The following TENM2 variants were observed in gnomAD, a reference collection of about 807,000 sequenced individuals.
TENM2 encodes the protein teneurin-2.
TENM2 carries 52 observed loss-of-function variants against 245.2 expected under a neutral mutation model. The observed-to-expected ratio is 0.21, with a 90% CI of 0.17 to 0.27. TENM2 has a LOEUF of 0.27. Ranked by LOEUF, TENM2 falls within the 10% of genes least tolerant of loss-of-function variation. The pLI, the probability that TENM2 is intolerant of heterozygous loss-of-function variation, is 1.00. For synonymous variants in TENM2, 1,363 were observed against 1,438.9 expected (o/e 0.95, Z 1.19); for missense variants, 3,046 against 3,666.8 (o/e 0.83, Z 4.37).
chr5:167,664,358 T>A (rs1423512403), intron 2 of TENM2, among the ~76,000 whole-genome samples: 1 of 152,218 alleles, frequency 6.6e-6, no homozygotes, highest in Non-Finnish European at 1.5e-5. Flanking sequence ...CTTAGTTGAC[T>A]GTCAAAACTT....
chr5:167,012,883 A>G, the TENM2 span, among the ~76,000 whole-genome samples: 1 of 152,060 alleles, frequency 6.6e-6, no homozygotes, highest in African/African-American at 2.4e-5. Flanking sequence ...ATTTGAATAA[A>G]GAAAATTTTA....
chr5:167,025,128 C>T, the TENM2 span, among the ~76,000 whole-genome samples: 63 of 152,124 alleles, frequency 4.1e-4, 2 homozygotes, highest in Admixed American at 1.6e-3. Flanking sequence ...ACAAGCCACA[C>T]GTATTTTAAT....
chr5:167,050,230 T>A, the TENM2 span, among the ~76,000 whole-genome samples: 22 of 152,214 alleles, frequency 1.4e-4, no homozygotes, highest in South Asian at 3.1e-3. Context: ...AAGCTAGAAT[T>A]ACCACCTGAG....
At chr5:167,328,326 C>T (rs1367818358) in intron 1 of TENM2, among the ~76,000 whole-genome samples, 1 of 151,388 alleles carries the variant, frequency 6.6e-6, no homozygotes, top group African/African-American at 2.4e-5. Flanking sequence ...CCTGACTCAG[C>T]CTCCTGAGTA....
At chr5:167,861,912 G>T (rs554253718) in intron 2 of TENM2, among the ~76,000 whole-genome samples, 33 of 152,314 alleles carry the variant, frequency 2.2e-4, no homozygotes, top group Non-Finnish European at 4.4e-4. Context: ...GCAAGGGAGA[G>T]TGCTGAATAT....
intron 8 of TENM2, among the ~76,000 whole-genome samples, chr5:168,094,495 G>A (rs761241105): frequency 1.3e-5 from 2 of 152,124 alleles, no homozygotes; most frequent in Non-Finnish European, 2.9e-5. Flanking sequence ...GGAGAATGAT[G>A]TTCCTCTGTT....
At chr5:168,039,167 A>G (rs549243834) in intron 5 of TENM2, among the ~76,000 whole-genome samples, 41 of 152,298 alleles carry the variant, frequency 2.7e-4, no homozygotes, top group African/African-American at 9.4e-4. Flanking sequence ...ACGGATCGAT[A>G]TGACATCTTA....
At chr5:168,106,959 G>A in intron 9 of TENM2, among the ~76,000 whole-genome samples, 1 of 152,162 alleles carries the variant, frequency 6.6e-6, no homozygotes, top group Non-Finnish European at 1.5e-5. Context: ...ACTGAGGTGG[G>A]TGAGTTTGGA....
At chr5:167,060,368 G>C in the TENM2 span, among the ~76,000 whole-genome samples, 4,538 of 151,942 alleles carry the variant, frequency 0.03, 234 homozygotes, top group African/African-American at 0.1. Flanking sequence ...AAAGCAAAAA[G>C]AAGGCCAGGC....
At chr5:167,218,498 G>A in the TENM2 span, among the ~76,000 whole-genome samples, 2 of 152,032 alleles carry the variant, frequency 1.3e-5, no homozygotes, top group African/African-American at 4.8e-5. Flanking sequence ...TTGTGAGGGA[G>A]CTGCCGTCTT....
At chr5:168,114,754 T>C (rs1794929173) in intron 9 of TENM2, among the ~76,000 whole-genome samples, 2 of 152,182 alleles carry the variant, frequency 1.3e-5, no homozygotes, top group Admixed American at 1.3e-4. Context: ...CATCACAGTG[T>C]TTTTGCATTT....
intron 2 of TENM2, among the ~76,000 whole-genome samples, chr5:167,402,865 T>C (rs1762436587): frequency 6.6e-6 from 1 of 152,146 alleles, no homozygotes; most frequent in African/African-American, 2.4e-5. Context: ...CCTAATTCAC[T>C]CTTGGGTGAC....
intron 2 of TENM2, among the ~76,000 whole-genome samples, chr5:167,732,416 A>G (rs2150561540): frequency 6.6e-6 from 1 of 152,332 alleles, no homozygotes; most frequent in Admixed American, 6.5e-5. Flanking sequence ...GGCCCTGTTT[A>G]GTCAATGTGA....
chr5:167,334,638 T>G (rs1019782734), intron 1 of TENM2, among the ~76,000 whole-genome samples: 2 of 152,208 alleles, frequency 1.3e-5, no homozygotes, highest in East Asian at 1.9e-4. Context: ...TTCTCATAAA[T>G]TCATGGAAGT....
chr5:167,483,890 GC>G (rs1205191880), intron 2 of TENM2, among the ~76,000 whole-genome samples: 6 of 152,180 alleles, frequency 3.9e-5, no homozygotes, highest in Non-Finnish European at 7.3e-5. Context: ...AGAGTACCAA[GC>G]TCTGAAAGTT....
the TENM2 span, among the ~76,000 whole-genome samples, chr5:167,222,247 C>T: frequency 1.3e-5 from 2 of 152,164 alleles, no homozygotes; most frequent in African/African-American, 2.4e-5. Context: ...TCTGCCTTCA[C>T]ATATGCAATG....
At chr5:167,300,059 G>T (rs1262854216) in intron 1 of TENM2, among the ~76,000 whole-genome samples, 1 of 152,182 alleles carries the variant, frequency 6.6e-6, no homozygotes, top group African/African-American at 2.4e-5. Context: ...AAGTTGTTTG[G>T]ACAGAAAGGC....
chr5:167,250,160 A>C, the TENM2 span, among the ~76,000 whole-genome samples: 74 of 152,238 alleles, frequency 4.9e-4, 1 homozygote, highest in Admixed American at 4.7e-3. Context: ...AAGACTTGGT[A>C]GGAATAAAAG....
chr5:167,674,569 C>A (rs573121847), intron 2 of TENM2, among the ~76,000 whole-genome samples: 2 of 151,964 alleles, frequency 1.3e-5, no homozygotes, highest in Non-Finnish European at 2.9e-5. Context: ...ATTAAAAATT[C>A]GAGACCAAGT....
Sources: gnomAD v4.1 joint callset for allele counts (sites outside exome capture counted in the v4.1 genomes callset) on GRCh38, gnomAD v4.1.1 for gene constraint, MANE v1.5 for transcripts, NCBI Gene and HGNC (gene_info 2026-07-23, HGNC 2026-07-21) for gene names.